DNAH17: variants seen among roughly 807,000 people sequenced by gnomAD.
DNAH17 encodes dynein axonemal heavy chain 17.
A neutral mutation model predicts 485.6 loss-of-function variants in DNAH17; 376 were observed. The observed-to-expected ratio is 0.77, with a 90% CI of 0.71 to 0.84. The LOEUF is 0.84. DNAH17 is among the 40% of genes least tolerant of loss of function. The pLI is 0.00. For synonymous variants in DNAH17, 3,031 were observed against 2,405.9 expected (o/e 1.26, Z -7.60); for missense variants, 6,370 against 5,839.3 (o/e 1.09, Z -2.96).
At position 78,501,349 on chromosome 17, in the gene DNAH17, A is replaced by G; in HGVS notation, c.5323-5T>C. 1 of 1,584,888 alleles carries G rather than the reference A, an allele frequency of 6.3e-7. No individual in the cohort carries two copies. Among genetic ancestry groups the G allele is most frequent in the South Asian group, 1.1e-5 (1 of 89,396 alleles). On this transcript the variant is annotated splice_polypyrimidine_tract_variant and splice_region_variant and intron_variant, in intron 34 of 80. Coordinates refer to ENST00000389840, the MANE Select transcript of DNAH17 (RefSeq NM_173628.4). ...GAAGGCCTGAGAACTCTCCACCTGC[A>G]GGATGAGCCGGAGCTCTTGTTGCCA... is the stretch of plus-strand genomic sequence containing the variant.
Position 78,429,166 on chromosome 17 carries a change from G to T in DNAH17, c.12360C>A (p.Val4120=), listed in dbSNP as rs112925846. 4 of 1,613,748 alleles carry T rather than the reference G, an allele frequency of 2.5e-6. No individual in the cohort carries two copies. Among genetic ancestry groups the T allele is most frequent in the Non-Finnish European group, 3.4e-6 (4 of 1,179,868 alleles). ...YIRTEMLEGD[V]LLAPGFQIPP... The stretch of plus-strand genomic sequence containing the variant: ...GGATCTGAAAGCCGGGGGCCAGCAG[G>T]ACGTCTCCCTCCAGCATCTCCGTCC... Residue 4120 remains valine, a synonymous_variant, in exon 76 of 81, where the codon GTC becomes GTA. Transcript: ENST00000389840.
intron 19 of DNAH17, among the ~76,000 whole-genome samples, chr17:78,534,362 A>G (rs2091318464): frequency 5.9e-5 from 9 of 151,942 alleles, no homozygotes; most frequent in Admixed American, 5.9e-4. Flanking sequence ...TGGGGCTGGG[A>G]TGGAAGGGGA....
At chr17:78,434,000 C>T (rs1340294021) in intron 75 of DNAH17, 29 bp downstream of exon 75, 2 of 1,362,010 alleles carry the variant, frequency 1.5e-6, no homozygotes, top group East Asian at 4.1e-5. Flanking sequence ...AGGGATATGT[C>T]CAAGTACAGG....
At chr17:78,442,362 C>T (rs972807218) in intron 71 of DNAH17, among the ~76,000 whole-genome samples, 1 of 152,220 alleles carries the variant, frequency 6.6e-6, no homozygotes, top group Non-Finnish European at 1.5e-5. Flanking sequence ...CTGCACTGGC[C>T]TTTGCTGGCT....
At chr17:78,493,483 G>C (rs949176605) in intron 41 of DNAH17, among the ~76,000 whole-genome samples, 1 of 152,260 alleles carries the variant, frequency 6.6e-6, no homozygotes, top group African/African-American at 2.4e-5. Flanking sequence ...GTATGTGTAT[G>C]TCCGAGTTCC....
At position 78,567,094 on chromosome 17, in the gene DNAH17, G is replaced by A; in HGVS notation, c.1357C>T (p.Leu453Phe). 6.2e-7 allele frequency: 1 copy of A among 1,613,164 alleles called. No individual in the cohort carries two copies. Among genetic ancestry groups the A allele is most frequent in the Non-Finnish European group, 8.5e-7 (1 of 1,179,588 alleles). The change falls in exon 10 of 81, where the codon CTC becomes TTC. Residue 453 changes from leucine to phenylalanine, a missense_variant. Transcript: ENST00000389840. ...TAGATACGGGTCACCAGGCTCCCGA[G>A]GAGGTTCCCACGCACGCCCCCAAGC... ...IELGGVRGNL[L>F]GSLVTRIYDE...
In DNAH17 at chr17:78,494,698, G is replaced by A. The variant is rs569006660; in HGVS notation, c.6165C>T (p.Asn2055=). The change falls in exon 40 of 81, where the codon AAC becomes AAT. Residue 2055 remains asparagine (N), a synonymous_variant. Coordinates refer to ENST00000389840, the MANE Select transcript of DNAH17 (RefSeq NM_173628.4). ...QVLMRALRDF[N]IPKIVTDDLP... ...GGTCGTCTGTCACAATCTTGGGGAT[G>A]TTGAAGTCTCTCAGCGCCCGCATGA... 81 of 1,613,958 alleles carry A rather than the reference G, an allele frequency of 5.0e-5. No individual in the cohort carries two copies. In the South Asian group the frequency reaches 8.2e-4, roughly 16 times the overall value.
At chr17:78,548,405 C>T (rs1010774610) in intron 16 of DNAH17, among the ~76,000 whole-genome samples, 4 of 151,958 alleles carry the variant, frequency 2.6e-5, no homozygotes, top group Non-Finnish European at 5.9e-5. Flanking sequence ...GGAGTTTCAC[C>T]GTGTTAGCCA....
chr17:78,573,221 A>C (rs1178567820), intron 2 of DNAH17, among the ~76,000 whole-genome samples: 1 of 152,186 alleles, frequency 6.6e-6, no homozygotes, highest in Non-Finnish European at 1.5e-5. Context: ...GTGATGGGTC[A>C]AACTGTGTCC....
In DNAH17 at chr17:78,425,167, A is replaced by G. The variant is rs570402763; in HGVS notation, c.13141+179T>C. The G allele has an allele frequency of 1.5e-3, 924 of 619,706 alleles. 15 individuals are homozygous for G. The Admixed American group carries it at 0.025, about 17-fold the overall frequency. 38.4% of individuals were successfully genotyped at this position (619,706 alleles called of 1,614,324 possible). Reference sequence around the variant, plus strand: ...CCTGCACATTCCCTGAATCCTCTCAACCCTCTCTAGGGTCAGCGTGGCTCT... The same window carrying G: ...CCTGCACATTCCCTGAATCCTCTCAGCCCTCTCTAGGGTCAGCGTGGCTCT... On this transcript the variant is annotated intron_variant, in intron 80 of 80. Transcript: ENST00000389840.
rs143881549 is a variant in DNAH17 at position 78,552,720 on chromosome 17, G to A, written c.2264C>T (p.Thr755Met). Reference protein sequence around the residue: ...AIDVKLLSAETTLFWNGEGVF... With the variant: ...AIDVKLLSAEMTLFWNGEGVF... The stretch of plus-strand genomic sequence containing the variant: ...ACCTTCGCCATTCCAGAATAATGTC[G>A]TTTCAGCGCTCAATAACTTGACATC... The change falls in exon 15 of 81, where the codon ACG becomes ATG. Residue 755 changes from threonine (T) to methionine (M), a missense_variant. Coordinates refer to ENST00000389840, the MANE Select transcript of DNAH17 (RefSeq NM_173628.4). The A allele has an allele frequency of 8.3e-5, 134 of 1,613,832 alleles. No individual in the cohort carries two copies. The highest frequency in any genetic ancestry group is 1.6e-4 in the Middle Eastern group (1 of 6,062).
chr17:78,530,563 G>T (rs574818372), intron 20 of DNAH17, 51 bp from the exon 21 acceptor site: 4 of 1,562,190 alleles, frequency 2.6e-6, no homozygotes, highest in Admixed American at 3.5e-5. Context: ...GCCTAGGGGG[G>T]GCGTCAGCAC....
intron 6 of DNAH17, 69 bp downstream of exon 6, chr17:78,570,868 AAAAAAAAAAAG>A: frequency 1.3e-5 from 10 of 752,442 alleles, no homozygotes; most frequent in East Asian, 7.1e-5. Context: ...AAAAAAAAAA[AAAAAAAAAAAG>A]AAAAAAGAAA....
rs78857966 is a variant in DNAH17, at chr17:78,559,266, G to A, written c.2032-1012C>T. On this transcript the variant is annotated intron_variant, in intron 13 of 80. Coordinates refer to ENST00000389840, the MANE Select transcript of DNAH17 (RefSeq NM_173628.4). ...GACTTCCAGCCTTCTGTATCCACCCGCCTACTCAGCTCCTCTCTTTGGATG... is the reference window on the plus strand; with the variant it reads ...GACTTCCAGCCTTCTGTATCCACCCACCTACTCAGCTCCTCTCTTTGGATG... Among the ~76,000 whole-genome samples, 1,017 of 152,206 alleles carry A rather than the reference G, an allele frequency of 6.7e-3. 10 individuals carry two copies. Among genetic ancestry groups the A allele is most frequent in the African/African-American group, 0.022 (929 of 41,536 alleles).
At chr17:78,441,748 G>A (rs1269136340) in intron 71 of DNAH17, among the ~76,000 whole-genome samples, 1 of 152,052 alleles carries the variant, frequency 6.6e-6, no homozygotes, top group Non-Finnish European at 1.5e-5. Flanking sequence ...ATCACAGAGG[G>A]CTGAGCTTAC....
rs372062447 is a variant in DNAH17 at position 78,571,331 on chromosome 17, G to A, written c.780C>T (p.Ala260=). ...GCAGGGCTGGCCAGTAGCAGCTTTT[G>A]GCTTTCTCTAGGATCTCAACAATCT... ...VNKIVEILEK[A]KSCYWPALQN... is the part of the protein sequence containing the mutation. The change falls in exon 5 of 81, where the codon GCC becomes GCT. Residue 260 remains alanine, a synonymous_variant. Coordinates refer to ENST00000389840, the MANE Select transcript of DNAH17 (RefSeq NM_173628.4). The A allele has an allele frequency of 9.3e-6, 15 of 1,613,826 alleles. No homozygotes were observed. The African/African-American group carries it at 2.0e-4, about 22-fold the overall frequency.
chr17:78,568,492 T>G (rs910340090), intron 9 of DNAH17, among the ~76,000 whole-genome samples: 2 of 152,154 alleles, frequency 1.3e-5, no homozygotes, highest in Non-Finnish European at 2.9e-5. Context: ...TTTTTAAAAA[T>G]TACACCATGC....
intron 70 of DNAH17, 133 bp downstream of exon 70, chr17:78,445,425 G>A (rs561410999): frequency 7.8e-6 from 10 of 1,277,122 alleles, no homozygotes; most frequent in South Asian, 4.6e-5. Flanking sequence ...CCCTATGTGC[G>A]GGGCCTCCTT....
chr17:78,556,601 A>G (rs17656528), intron 14 of DNAH17, among the ~76,000 whole-genome samples: 52,321 of 151,990 alleles, frequency 0.34, 10,024 homozygotes, highest in Non-Finnish European at 0.44. Flanking sequence ...TTCCCAGGGT[A>G]TATGAGTGGA....
Sources: gnomAD v4.1 joint callset for allele counts (sites outside exome capture counted in the v4.1 genomes callset) on GRCh38, gnomAD v4.1.1 for gene constraint, MANE v1.5 for transcripts, NCBI Gene and HGNC (gene_info 2026-07-23, HGNC 2026-07-21) for gene names.